PTPRD: variants seen among roughly 807,000 people sequenced by gnomAD.
The protein encoded by PTPRD is protein tyrosine phosphatase receptor type D, also known as receptor-type tyrosine-protein phosphatase delta.
In PTPRD, 34 loss-of-function variants were observed where a neutral mutation model predicts 214.5. That is an observed-to-expected ratio of 0.16 (90% CI 0.12 to 0.21). The LOEUF (loss-of-function observed/expected upper bound fraction) is 0.21, where lower values mean the gene tolerates loss of function less well. Ranked by LOEUF, PTPRD falls within the 10% of genes least tolerant of loss-of-function variation. The pLI is 1.00. For missense variants in PTPRD, 2,545 were observed against 2,398.7 expected, an observed-to-expected ratio of 1.06 and a Z score of -1.27; for synonymous variants, 1,128 against 845.7, an observed-to-expected ratio of 1.33 and a Z score of -5.79.
At chr9:8,873,161 A>G (rs928676530) in intron 11 of PTPRD, among the ~76,000 whole-genome samples, 4 of 152,138 alleles carry the variant, frequency 2.6e-5, no homozygotes, top group African/African-American at 4.8e-5. Flanking sequence ...GGCAGGGACT[A>G]TGTCTTATTC....
chr9:10,563,293 T>A (rs1458439134), intron 2 of PTPRD, among the ~76,000 whole-genome samples: 2 of 152,162 alleles, frequency 1.3e-5, no homozygotes, highest in African/African-American at 4.8e-5. Context: ...GTTAAAGTTA[T>A]GAAGGTGTAA....
chr9:9,828,992 A>G (rs2053931899), intron 5 of PTPRD, among the ~76,000 whole-genome samples: 1 of 151,944 alleles, frequency 6.6e-6, no homozygotes, highest in African/African-American at 2.4e-5. Context: ...CCTGCCTAAT[A>G]CATCTGAAAT....
chr9:9,955,750 C>G (rs1297785529), intron 4 of PTPRD, among the ~76,000 whole-genome samples: 2 of 152,144 alleles, frequency 1.3e-5, no homozygotes, highest in African/African-American at 4.8e-5. Context: ...GTCTCGATCT[C>G]CTGACCTCGT....
chr9:8,359,834 T>C (rs1244644305), intron 39 of PTPRD, among the ~76,000 whole-genome samples: 1 of 152,220 alleles, frequency 6.6e-6, no homozygotes, highest in Non-Finnish European at 1.5e-5. Flanking sequence ...TACCACTTAG[T>C]GTTTGTTCCA....
chr9:9,476,157 G>A (rs1436222895), intron 8 of PTPRD, among the ~76,000 whole-genome samples: 1 of 152,168 alleles, frequency 6.6e-6, no homozygotes, highest in African/African-American at 2.4e-5. Flanking sequence ...TGCATAGTGA[G>A]CTAGGTATCA....
At chr9:8,544,940 G>C (rs1444756916) in intron 14 of PTPRD, among the ~76,000 whole-genome samples, 3 of 129,094 alleles carry the variant, frequency 2.3e-5, no homozygotes, top group East Asian at 2.4e-4. Flanking sequence ...TTGTATCAAA[G>C]TGCCTTCTTC....
chr9:8,368,306 T>G (rs575574847), intron 39 of PTPRD, among the ~76,000 whole-genome samples: 1 of 152,312 alleles, frequency 6.6e-6, no homozygotes, highest in Admixed American at 6.5e-5. Flanking sequence ...AATGCACATC[T>G]GCCACTCTTA....
At chr9:8,590,047 G>A (rs1301585206) in intron 14 of PTPRD, among the ~76,000 whole-genome samples, 2 of 151,960 alleles carry the variant, frequency 1.3e-5, no homozygotes, top group African/African-American at 4.8e-5. Context: ...ATGTTCACGA[G>A]GTTCCAAGGA....
At chr9:8,668,728 T>A (rs2097217794) in intron 12 of PTPRD, among the ~76,000 whole-genome samples, 1 of 152,240 alleles carries the variant, frequency 6.6e-6, no homozygotes, top group African/African-American at 2.4e-5. Context: ...GATTCATAAC[T>A]GTCTTTCAAT....
chr9:8,333,059 C>T (rs1175323902), intron 43 of PTPRD, among the ~76,000 whole-genome samples: 1 of 152,152 alleles, frequency 6.6e-6, no homozygotes, highest in Non-Finnish European at 1.5e-5. Context: ...GTGGTTTTCA[C>T]AGGGACATGC....
chr9:9,609,205 G>T (rs1362462273), intron 7 of PTPRD, among the ~76,000 whole-genome samples: 2 of 151,938 alleles, frequency 1.3e-5, no homozygotes, highest in African/African-American at 2.4e-5. Context: ...AATTTTAAAA[G>T]CCCAATATTT....
chr9:10,390,577 T>C (rs563710052), intron 2 of PTPRD, among the ~76,000 whole-genome samples: 74 of 151,950 alleles, frequency 4.9e-4, no homozygotes, highest in Non-Finnish European at 9.9e-4. Flanking sequence ...GGTCAGTGTT[T>C]GACTATGAAG....
chr9:10,224,240 A>T (rs1412713687), intron 3 of PTPRD, among the ~76,000 whole-genome samples: 2 of 152,094 alleles, frequency 1.3e-5, no homozygotes, highest in African/African-American at 4.8e-5. Flanking sequence ...CCTTAATAAC[A>T]TCTACCATAT....
chr9:10,052,966 A>C (rs2097561118), intron 3 of PTPRD, among the ~76,000 whole-genome samples: 1 of 152,168 alleles, frequency 6.6e-6, no homozygotes, highest in Non-Finnish European at 1.5e-5. Flanking sequence ...AATTCTTTAC[A>C]TGTATTTACT....
chr9:9,891,065 T>G (rs147965306), intron 5 of PTPRD, among the ~76,000 whole-genome samples: 3 of 152,268 alleles, frequency 2.0e-5, no homozygotes, highest in East Asian at 3.9e-4. Context: ...TATCTTTCAT[T>G]GACTGAAGCT....
At chr9:9,985,671 A>C (rs988475802) in intron 4 of PTPRD, among the ~76,000 whole-genome samples, 1 of 152,082 alleles carries the variant, frequency 6.6e-6, no homozygotes, top group Non-Finnish European at 1.5e-5. Context: ...ATTTTATGAA[A>C]CAATTATATT....
chr9:10,461,185 C>T (rs1282182650), intron 2 of PTPRD, among the ~76,000 whole-genome samples: 3 of 151,404 alleles, frequency 2.0e-5, no homozygotes, highest in South Asian at 2.1e-4. Context: ...ATTCAAAACT[C>T]TATATATCCT....
chr9:9,713,229 T>C (rs1354161571), intron 7 of PTPRD, among the ~76,000 whole-genome samples: 1 of 152,188 alleles, frequency 6.6e-6, no homozygotes. Context: ...TATGTCTGCC[T>C]AAGAATAAGC....
chr9:10,205,361 C>T (rs1365860211), intron 3 of PTPRD, among the ~76,000 whole-genome samples: 2 of 150,120 alleles, frequency 1.3e-5, no homozygotes, highest in Non-Finnish European at 3.0e-5. Context: ...CACAATTCTT[C>T]TTCTTCTTTA....
Sources: gnomAD v4.1 joint callset for allele counts (sites outside exome capture counted in the v4.1 genomes callset) on GRCh38, gnomAD v4.1.1 for gene constraint, MANE v1.5 for transcripts, NCBI Gene and HGNC (gene_info 2026-07-23, HGNC 2026-07-21) for gene names.